Variants in UBE2L3 observed in about 807,000 individuals in gnomAD.
UBE2L3 encodes ubiquitin-conjugating enzyme E2 L3.
A neutral mutation model predicts 17.8 loss-of-function variants in UBE2L3; 1 was observed. That is an observed-to-expected ratio of 0.06 (90% confidence interval 0.02 to 0.27). The LOEUF (loss-of-function observed/expected upper bound fraction) is 0.27, where lower values mean the gene tolerates loss of function less well. Ranked by LOEUF, UBE2L3 falls within the 10% of genes least tolerant of loss-of-function variation. UBE2L3 has a pLI of 1.00. For synonymous variants in UBE2L3, 44 were observed against 68.5 expected (o/e 0.64, Z 1.76); for missense variants, 40 against 192.6 (o/e 0.21, Z 4.69).
intron 3 of UBE2L3, among the ~76,000 whole-genome samples, chr22:21,620,418 G>A (rs1369615403): frequency 6.6e-6 from 1 of 152,084 alleles, no homozygotes; most frequent in Admixed American, 6.6e-5. Context: ...GTGACAGCAA[G>A]ACTGTCTAAA....
chr22:21,597,143 T>C (rs751416325), intron 2 of UBE2L3, among the ~76,000 whole-genome samples: 24 of 151,758 alleles, frequency 1.6e-4, no homozygotes, highest in Non-Finnish European at 2.4e-4. Context: ...CACACCTGGC[T>C]AATTTTTGTA....
At chr22:21,563,885 T>G (rs544167716), upstream of UBE2L3, among the ~76,000 whole-genome samples, 1 of 152,114 alleles carries the variant, frequency 6.6e-6, no homozygotes, top group Non-Finnish European at 1.5e-5. Context: ...TATTTATTTT[T>G]GTAGATATGG....
intron 1 of UBE2L3, among the ~76,000 whole-genome samples, chr22:21,574,548 G>A (rs1275185052): frequency 2.0e-5 from 3 of 152,186 alleles, no homozygotes; most frequent in Non-Finnish European, 4.4e-5. Context: ...TTCGGGACAG[G>A]TTGGGGCCAG....
chr22:21,567,650 C>T, upstream of UBE2L3: 1 of 1,546,680 alleles, frequency 6.5e-7, no homozygotes, highest in East Asian at 2.4e-5. Flanking sequence ...CTGTGCCCCG[C>T]CCCGCGGCCC....
At chr22:21,586,871 C>A (rs947724810) in intron 1 of UBE2L3, among the ~76,000 whole-genome samples, 18 of 144,944 alleles carry the variant, frequency 1.2e-4, no homozygotes, top group African/African-American at 4.6e-4. Context: ...CCACTGTGCC[C>A]GGCCTTTTTT....
At chr22:21,581,944 T>C (rs570987056) in intron 1 of UBE2L3, among the ~76,000 whole-genome samples, 1 of 147,666 alleles carries the variant, frequency 6.8e-6, no homozygotes, top group South Asian at 2.1e-4. Flanking sequence ...AAACCCCATG[T>C]CTACTGAAAA....
At chr22:21,578,863 G>T (rs1927468157) in intron 1 of UBE2L3, among the ~76,000 whole-genome samples, 1 of 152,114 alleles carries the variant, frequency 6.6e-6, no homozygotes, top group African/African-American at 2.4e-5. Flanking sequence ...GTAGATTTCT[G>T]CCTTTGACTC....
chr22:21,568,046 C>A, intron 1 of UBE2L3: 6 of 1,280,808 alleles, frequency 4.7e-6, no homozygotes, highest in Non-Finnish European at 4.9e-6. Context: ...TTGGCCGCGT[C>A]CCCCTGTCGC....
At chr22:21,587,499 T>A (rs1928012882) in intron 1 of UBE2L3, among the ~76,000 whole-genome samples, 1 of 152,190 alleles carries the variant, frequency 6.6e-6, no homozygotes. Context: ...GATTAGTGGC[T>A]CCTGAGGGGT....
intron 3 of UBE2L3, 81 bp downstream of exon 3, chr22:21,611,124 G>T: frequency 2.8e-6 from 4 of 1,420,314 alleles, no homozygotes; most frequent in Non-Finnish European, 3.8e-6. Context: ...TACCAGATCA[G>T]ACAGAATCCA....
intron 1 of UBE2L3, among the ~76,000 whole-genome samples, chr22:21,571,173 A>G (rs916978298): frequency 2.0e-5 from 3 of 152,224 alleles, no homozygotes; most frequent in African/African-American, 7.2e-5. Flanking sequence ...ATTGTTGGCT[A>G]CAACCAGATT....
At chr22:21,585,382 G>A (rs926675421) in intron 1 of UBE2L3, among the ~76,000 whole-genome samples, 1 of 152,180 alleles carries the variant, frequency 6.6e-6, no homozygotes, top group South Asian at 2.1e-4. Context: ...GTGACTTGGG[G>A]TGTGGTTTTG....
chr22:21,586,449 T>C (rs1220277386), intron 1 of UBE2L3, among the ~76,000 whole-genome samples: 4 of 152,000 alleles, frequency 2.6e-5, no homozygotes, highest in Non-Finnish European at 5.9e-5. Context: ...TTTGTATTTT[T>C]AGTAGAGATG....
chr22:21,594,483 T>C (rs966168693), intron 2 of UBE2L3, among the ~76,000 whole-genome samples: 1 of 151,874 alleles, frequency 6.6e-6, no homozygotes. Context: ...CTGTAGATGC[T>C]TTCTTCTTGA....
intron 2 of UBE2L3, among the ~76,000 whole-genome samples, chr22:21,602,622 C>T (rs1928926483): frequency 6.6e-6 from 1 of 152,214 alleles, no homozygotes. Flanking sequence ...GGGTGAAAGA[C>T]CCCAGATAGT....
intron 1 of UBE2L3, among the ~76,000 whole-genome samples, chr22:21,568,828 T>C (rs187957472): frequency 1.6e-4 from 25 of 152,206 alleles, no homozygotes; most frequent in Admixed American, 1.5e-3. Flanking sequence ...GAGCTAGACA[T>C]TGAACTTGGA....
chr22:21,556,464 C>G (rs571498599), intron 1 of UBE2L3, among the ~76,000 whole-genome samples: 29 of 152,354 alleles, frequency 1.9e-4, no homozygotes, highest in African/African-American at 7.0e-4. Context: ...GGGTCTTGCT[C>G]TGTCATCCAG....
chr22:21,618,176 A>C (rs1908291001), intron 3 of UBE2L3, among the ~76,000 whole-genome samples: 1 of 151,196 alleles, frequency 6.6e-6, no homozygotes, highest in African/African-American at 2.4e-5. Context: ...GTGAGACGCC[A>C]TCTCAATTAA....
chr22:21,608,902 G>GT (rs774068895), intron 2 of UBE2L3, among the ~76,000 whole-genome samples: 2,260 of 146,196 alleles, frequency 0.015, 42 homozygotes, highest in African/African-American at 0.049. Flanking sequence ...GTTTTGTTTT[G>GT]TTTTTTTTTT....
Sources: allele counts gnomAD v4.1 joint callset (sites outside exome capture counted in the v4.1 genomes callset), GRCh38; gene constraint gnomAD v4.1.1; transcripts MANE v1.5; gene names NCBI Gene and HGNC (gene_info 2026-07-23, HGNC 2026-07-21).